The following KCNH7 variants were observed in gnomAD, a reference collection of about 807,000 sequenced individuals.
The protein encoded by KCNH7 is potassium voltage-gated channel subfamily H member 7.
Under a neutral mutation model 120.8 loss-of-function variants are expected in KCNH7, and 49 were observed. That is an observed-to-expected ratio of 0.41 (90% CI 0.32 to 0.51). The LOEUF is 0.51. Ranked by LOEUF, KCNH7 falls within the 20% of genes least tolerant of loss-of-function variation. The pLI, the probability that KCNH7 is intolerant of heterozygous loss-of-function variation, is 0.38. For synonymous variants in KCNH7, 547 were observed against 516.1 expected (o/e 1.06, Z -0.81); for missense variants, 1,097 against 1,446.6 (o/e 0.76, Z 3.92).
chr2:162,454,519 T>C (rs568131904), intron 6 of KCNH7, among the ~76,000 whole-genome samples: 1 of 152,340 alleles, frequency 6.6e-6, no homozygotes, highest in Admixed American at 6.5e-5. Flanking sequence ...GGCAATAGCA[T>C]TGAATCTATA....
chr2:162,379,892 A>G lies in KCNH7; in HGVS notation c.3092T>C (p.Val1031Ala). The G allele has an allele frequency of 6.2e-7, 1 of 1,613,934 alleles. No homozygotes were observed. The stretch of plus-strand genomic sequence containing the variant: ...CTGGAGCAGATCTAATCTTTGTTCC[A>G]CTTCCCCGTAGGTGAGGTCGCTTTC... ...ETESDLTYGE[V>A]EQRLDLLQEQ... Residue 1031 changes from valine (V) to alanine (A), a missense_variant, in exon 14 of 16, where the codon GTG (valine) becomes GCG (alanine). By Grantham distance (64) the Val-to-Ala change is moderately conservative (BLOSUM62 0). Coordinates refer to ENST00000332142, the MANE Select transcript of KCNH7 (RefSeq NM_033272.4).
At chr2:162,762,965 G>T (rs966785120) in intron 2 of KCNH7, among the ~76,000 whole-genome samples, 1 of 151,974 alleles carries the variant, frequency 6.6e-6, no homozygotes, top group Non-Finnish European at 1.5e-5. Context: ...CCTTCAGCCA[G>T]TAAAATAACA....
chr2:162,535,294 A>G (rs1692069110), intron 3 of KCNH7, among the ~76,000 whole-genome samples: 1 of 151,852 alleles, frequency 6.6e-6, no homozygotes, highest in East Asian at 1.9e-4. Context: ...AATATAAAAC[A>G]ATTTTTATTT....
chr2:162,728,084 A>T (rs929696587), intron 2 of KCNH7, among the ~76,000 whole-genome samples: 4 of 152,084 alleles, frequency 2.6e-5, no homozygotes, highest in Admixed American at 6.6e-5. Flanking sequence ...ATTTTATTTT[A>T]AAAACTCCTT....
chr2:162,395,882 T>A (rs1405647899), intron 11 of KCNH7, among the ~76,000 whole-genome samples: 1 of 151,616 alleles, frequency 6.6e-6, no homozygotes, highest in Non-Finnish European at 1.5e-5. Context: ...GACTTTAGGG[T>A]TTTTTTCCCC....
chr2:162,727,418 C>T (rs1241474466), intron 2 of KCNH7, among the ~76,000 whole-genome samples: 1 of 152,106 alleles, frequency 6.6e-6, no homozygotes, highest in Admixed American at 6.6e-5. Context: ...TAGGTTTAAA[C>T]TCTACATAAT....
Position 162,496,368 on chromosome 2 carries a change from C to T in KCNH7, c.1128+8075G>A, listed in dbSNP as rs189510588. 2.1e-3 allele frequency among the ~76,000 whole-genome samples: 322 copies of T among 152,214 alleles called. 1 individual carries two copies. The highest frequency in any genetic ancestry group is 7.3e-3 in the African/African-American group (302 of 41,538). On this transcript the variant is annotated intron_variant, in intron 6 of 15. Coordinates refer to ENST00000332142, the MANE Select transcript of KCNH7 (RefSeq NM_033272.4). ...AGAGAACTTACACAGTTCTCTTAAG[C>T]ATGCCTGCAGTGGACTAAGGGCCCG...
intron 6 of KCNH7, among the ~76,000 whole-genome samples, chr2:162,494,379 C>A (rs1213675628): frequency 6.6e-6 from 1 of 152,082 alleles, no homozygotes; most frequent in Non-Finnish European, 1.5e-5. Context: ...TGTTGTCTTT[C>A]CTGACCCCTA....
chr2:162,743,153 A>G (rs1362718474), intron 2 of KCNH7, among the ~76,000 whole-genome samples: 1 of 152,000 alleles, frequency 6.6e-6, no homozygotes, highest in Non-Finnish European at 1.5e-5. Context: ...GACAGAGTCT[A>G]CCATCTGCAT....
intron 2 of KCNH7, among the ~76,000 whole-genome samples, chr2:162,641,876 T>C (rs947961800): frequency 8.0e-5 from 12 of 150,612 alleles, no homozygotes; most frequent in African/African-American, 3.0e-4. Flanking sequence ...TATCCCAGAA[T>C]AAAAAGCTTA....
chr2:162,522,669 A>G (rs935019451), intron 3 of KCNH7, among the ~76,000 whole-genome samples: 2 of 151,888 alleles, frequency 1.3e-5, no homozygotes, highest in African/African-American at 4.8e-5. Context: ...TATTTAACCT[A>G]TTTACTATAA....
intron 2 of KCNH7, among the ~76,000 whole-genome samples, chr2:162,606,137 C>A (rs1054119302): frequency 6.6e-6 from 1 of 151,824 alleles, no homozygotes; most frequent in African/African-American, 2.4e-5. Flanking sequence ...GAAGATAATT[C>A]CTTTGTGTAT....
chr2:162,380,996 G>T (rs940111183), intron 13 of KCNH7, among the ~76,000 whole-genome samples: 1 of 151,938 alleles, frequency 6.6e-6, no homozygotes, highest in Non-Finnish European at 1.5e-5. Context: ...CTATATTTTA[G>T]ATGTTTTTGC....
intron 2 of KCNH7, among the ~76,000 whole-genome samples, chr2:162,551,326 G>T (rs78902234): frequency 0.02 from 2,984 of 152,066 alleles, 70 homozygotes; most frequent in Non-Finnish European, 0.028. Context: ...CACAAATCTT[G>T]CACAATTAAG....
rs543157396 is a variant in KCNH7, at chr2:162,679,342, T to C, written c.308-142262A>G. On this transcript the variant is annotated intron_variant, in intron 2 of 15. Transcript: ENST00000332142. ...ATTTTCAGGTTCGCATGAGTAGGCTTATATGTTTGTGTGTATTTAATAATA... is the reference window on the plus strand; with the variant it reads ...ATTTTCAGGTTCGCATGAGTAGGCTCATATGTTTGTGTGTATTTAATAATA... Among the ~76,000 whole-genome samples, 3 of 151,838 alleles carry C rather than the reference T, an allele frequency of 2.0e-5. No individual in the cohort carries two copies. The East Asian group carries it at 5.8e-4, about 29-fold the overall frequency.
chr2:162,804,899 C>A (rs1212620962), intron 2 of KCNH7, among the ~76,000 whole-genome samples: 1 of 151,818 alleles, frequency 6.6e-6, no homozygotes, highest in Non-Finnish European at 1.5e-5. Flanking sequence ...GATATAGACA[C>A]ATAAACCAAT....
At chr2:162,740,569 A>T (rs141061324) in intron 2 of KCNH7, among the ~76,000 whole-genome samples, 1 of 152,260 alleles carries the variant, frequency 6.6e-6, no homozygotes, top group East Asian at 1.9e-4. Context: ...AATACAGAAA[A>T]CTTTATTACA....
intron 2 of KCNH7, among the ~76,000 whole-genome samples, chr2:162,588,885 T>G (rs1432998593): frequency 6.6e-6 from 1 of 152,046 alleles, no homozygotes; most frequent in African/African-American, 2.4e-5. Context: ...GTATTGTCAT[T>G]AACCCACCTA....
intron 7 of KCNH7, among the ~76,000 whole-genome samples, chr2:162,441,537 C>T (rs1321143360): frequency 6.6e-6 from 1 of 151,968 alleles, no homozygotes; most frequent in African/African-American, 2.4e-5. Context: ...GTCAATGAAG[C>T]AAATAATTAA....
Sources: gnomAD v4.1 joint callset for allele counts (sites outside exome capture counted in the v4.1 genomes callset) on GRCh38, gnomAD v4.1.1 for gene constraint, MANE v1.5 for transcripts, NCBI Gene and HGNC (gene_info 2026-07-23, HGNC 2026-07-21) for gene names.